IGFBP7: variants seen among roughly 807,000 people sequenced by gnomAD.
The protein encoded by IGFBP7 is insulin-like growth factor-binding protein 7.
In IGFBP7, 31 loss-of-function variants were observed where a neutral mutation model predicts 29.4. The observed-to-expected ratio is 1.05, with a 90% CI of 0.79 to 1.42. IGFBP7 has a LOEUF of 1.42. Among genes scored for constraint, IGFBP7 ranks in the 40% most tolerant of loss-of-function variants. IGFBP7 has a pLI of 0.00. For missense variants in IGFBP7, 393 were observed against 395.5 expected (o/e 0.99, Z 0.05); for synonymous variants, 172 against 174.9 (o/e 0.98, Z 0.13).
chr4:57,062,814 C>T (rs1198136099), intron 1 of IGFBP7, among the ~76,000 whole-genome samples: 1 of 151,920 alleles, frequency 6.6e-6, no homozygotes, highest in Non-Finnish European at 1.5e-5. Flanking sequence ...GGGTAGAGTC[C>T]AGCAATCCTT....
chr4:57,103,166 C>T (rs745505008), intron 1 of IGFBP7, among the ~76,000 whole-genome samples: 3 of 152,086 alleles, frequency 2.0e-5, no homozygotes, highest in Non-Finnish European at 2.9e-5. Flanking sequence ...GGAGTGTAGG[C>T]ATCTGTTGTT....
intron 1 of IGFBP7, among the ~76,000 whole-genome samples, chr4:57,060,018 AAGTGATGTGCTGGGTCACATG>A (rs1724763480): frequency 6.6e-6 from 1 of 152,220 alleles, no homozygotes; most frequent in African/African-American, 2.4e-5. Flanking sequence ...ATCATGAACT[AAGTGATGTGCTGGGTCACATG>A]AGGAATAGAA....
In IGFBP7 at chr4:57,040,846, G is replaced by A; in HGVS notation, c.563C>T (p.Thr188Ile). 6.2e-7 allele frequency: 1 copy of A among 1,613,208 alleles called. No homozygotes were observed. The highest frequency in any genetic ancestry group is 8.5e-7 in the Non-Finnish European group (1 of 1,179,132). ...YLSCEVIGIP[T>I]PVLIWNKVKR... ...GACCTTGTTCCAGATGAGGACAGGTGTCGGGATTCCGATGACCTCACAGCT... is the reference window on the plus strand; with the variant it reads ...GACCTTGTTCCAGATGAGGACAGGTATCGGGATTCCGATGACCTCACAGCT... The change falls in exon 2 of 5, where the codon ACA (threonine) becomes ATA (isoleucine). Residue 188 changes from threonine (T) to isoleucine (I), a missense_variant. By Grantham distance (89) the Thr-to-Ile change is moderately conservative (BLOSUM62 -1). Transcript: ENST00000295666.
At chr4:57,060,970 C>T (rs915097464) in intron 1 of IGFBP7, among the ~76,000 whole-genome samples, 17 of 151,834 alleles carry the variant, frequency 1.1e-4, no homozygotes, top group African/African-American at 4.1e-4. Context: ...TTGCTTAAAC[C>T]CAGGAGTTTG....
intron 1 of IGFBP7, among the ~76,000 whole-genome samples, chr4:57,058,560 G>C (rs1278650978): frequency 6.6e-6 from 1 of 152,134 alleles, no homozygotes; most frequent in Non-Finnish European, 1.5e-5. Context: ...GAAGATTGAG[G>C]CTGAACCCCT....
At chr4:57,062,840 T>G (rs1724831149) in intron 1 of IGFBP7, among the ~76,000 whole-genome samples, 1 of 152,164 alleles carries the variant, frequency 6.6e-6, no homozygotes, top group South Asian at 2.1e-4. Flanking sequence ...AGAGAAAATG[T>G]TTTCTCTCTG....
At chr4:57,063,726 C>T (rs141358654) in intron 1 of IGFBP7, among the ~76,000 whole-genome samples, 1 of 152,302 alleles carries the variant, frequency 6.6e-6, no homozygotes, top group African/African-American at 2.4e-5. Context: ...TGGTCCTCAG[C>T]TGTTTGTAGG....
chr4:57,109,689 G>T (rs954248345), intron 1 of IGFBP7, 188 bp downstream of exon 1: 2 of 656,916 alleles, frequency 3.0e-6, no homozygotes, highest in South Asian at 2.1e-5. Context: ...AAAGGAGAAG[G>T]GGGGGCGTCG....
At chr4:57,089,278 T>C (rs1049008726) in intron 1 of IGFBP7, among the ~76,000 whole-genome samples, 1 of 152,250 alleles carries the variant, frequency 6.6e-6, no homozygotes, top group African/African-American at 2.4e-5. Flanking sequence ...TTTTACTGCA[T>C]CTATCCATAT....
intron 2 of IGFBP7, among the ~76,000 whole-genome samples, chr4:57,033,824 T>C (rs1245660171): frequency 5.9e-5 from 9 of 151,970 alleles, no homozygotes; most frequent in Non-Finnish European, 1.3e-4. Flanking sequence ...ACACCTAAGA[T>C]AAAAAACACC....
chr4:57,048,410 G>A (rs1373294775), intron 1 of IGFBP7, among the ~76,000 whole-genome samples: 1 of 152,166 alleles, frequency 6.6e-6, no homozygotes, highest in Admixed American at 6.5e-5. Flanking sequence ...ATTATTTTAA[G>A]AATATTTGAT....
intron 1 of IGFBP7, chr4:57,072,938 G>C: frequency 1.3e-6 from 1 of 773,940 alleles, no homozygotes. Flanking sequence ...TATCTGCCTG[G>C]ACATCCTGAA....
chr4:57,104,548 G>A (rs1725975205), intron 1 of IGFBP7, among the ~76,000 whole-genome samples: 1 of 152,092 alleles, frequency 6.6e-6, no homozygotes, highest in South Asian at 2.1e-4. Flanking sequence ...GTAGAACATG[G>A]ACATTTAAAT....
intron 1 of IGFBP7, among the ~76,000 whole-genome samples, chr4:57,075,269 T>A (rs1725194045): frequency 6.6e-6 from 1 of 152,220 alleles, no homozygotes; most frequent in African/African-American, 2.4e-5. Context: ...AAAGGAGACA[T>A]ATTTTCTAAG....
chr4:57,070,594 A>C (rs938661407), intron 1 of IGFBP7, among the ~76,000 whole-genome samples: 2 of 152,194 alleles, frequency 1.3e-5, no homozygotes, highest in Admixed American at 1.3e-4. Context: ...CCTCTAGTTA[A>C]ATGAGTTGGA....
chr4:57,065,063 T>G (rs1347450659), intron 1 of IGFBP7, among the ~76,000 whole-genome samples: 1 of 152,198 alleles, frequency 6.6e-6, no homozygotes, highest in African/African-American at 2.4e-5. Flanking sequence ...GGGAAGTAAT[T>G]CCCCCAGTTC....
chr4:57,043,366 A>G (rs2109746477), intron 1 of IGFBP7, among the ~76,000 whole-genome samples: 1 of 152,280 alleles, frequency 6.6e-6, no homozygotes, highest in South Asian at 2.1e-4. Context: ...TATCCTAGCA[A>G]AGTACAAACT....
At chr4:57,071,703 G>A (rs990066651) in intron 1 of IGFBP7, among the ~76,000 whole-genome samples, 12 of 152,320 alleles carry the variant, frequency 7.9e-5, no homozygotes, top group African/African-American at 2.6e-4. Context: ...GGCATATTTG[G>A]TCATGGAGGC....
intron 1 of IGFBP7, among the ~76,000 whole-genome samples, chr4:57,059,364 G>C (rs1724742290): frequency 6.6e-6 from 1 of 152,142 alleles, no homozygotes; most frequent in Admixed American, 6.5e-5. Context: ...ATCAATGACA[G>C]ATCGAATAAA....
Sources: gnomAD v4.1 joint callset for allele counts (sites outside exome capture counted in the v4.1 genomes callset) on GRCh38, gnomAD v4.1.1 for gene constraint, MANE v1.5 for transcripts, NCBI Gene and HGNC (gene_info 2026-07-23, HGNC 2026-07-21) for gene names.